The following NIPBL variants were observed in gnomAD, a reference collection of about 807,000 sequenced individuals.
The protein encoded by NIPBL is NIPBL cohesin loading factor.
In NIPBL, 19 loss-of-function variants were observed where a neutral mutation model predicts 321.8. That is an observed-to-expected ratio of 0.06 (90% CI 0.04 to 0.09). The LOEUF is 0.09. Ranked by LOEUF, NIPBL falls within the 10% of genes least tolerant of loss-of-function variation. The probability of loss-of-function intolerance (pLI) is 1.00; values close to 1 mark genes in which losing one functional copy is unlikely to be tolerated. For synonymous variants in NIPBL, 1,106 were observed against 1,114.1 expected (o/e 0.99, Z 0.14); for missense variants, 2,210 against 3,327.0 (o/e 0.66, Z 8.26).
intron 1 of NIPBL, among the ~76,000 whole-genome samples, chr5:36,905,944 C>T (rs564965752): frequency 2.6e-5 from 4 of 152,202 alleles, no homozygotes; most frequent in Non-Finnish European, 5.9e-5. Flanking sequence ...TGGGGTTTCA[C>T]CGTGTTAGCC....
chr5:37,023,434 A>G (rs567315388), intron 29 of NIPBL, among the ~76,000 whole-genome samples: 1 of 152,322 alleles, frequency 6.6e-6, no homozygotes, highest in East Asian at 1.9e-4. Context: ...AAAGAAAAAT[A>G]GTACAGTGAA....
intron 45 of NIPBL, 66 bp downstream of exon 45, chr5:37,061,084 C>G (rs1754615104): frequency 1.7e-6 from 2 of 1,184,000 alleles, no homozygotes; most frequent in South Asian, 1.2e-5. Context: ...ATGTGGGGGG[C>G]CGGTGGGGAG....
At chr5:36,889,757 T>C (rs1227838971) in intron 1 of NIPBL, among the ~76,000 whole-genome samples, 1 of 152,146 alleles carries the variant, frequency 6.6e-6, no homozygotes, top group Non-Finnish European at 1.5e-5. Flanking sequence ...AATTTTATAA[T>C]TCAGTAACAA....
At chr5:36,984,232 T>C (rs1744482160) in intron 9 of NIPBL, among the ~76,000 whole-genome samples, 1 of 152,088 alleles carries the variant, frequency 6.6e-6, no homozygotes, top group South Asian at 2.1e-4. Context: ...TTTGGTATAT[T>C]GGCAGATTTG....
chr5:36,890,532 T>C (rs989004694), intron 1 of NIPBL, among the ~76,000 whole-genome samples: 11 of 152,234 alleles, frequency 7.2e-5, no homozygotes, highest in Non-Finnish European at 1.5e-4. Flanking sequence ...CTTTTTACTA[T>C]ATATTTTTAA....
Position 36,981,170 on chromosome 5 carries a change from TTGTC to T in NIPBL, c.1496-3503_1496-3500del, listed in dbSNP as rs947842696. Among the ~76,000 whole-genome samples, 9 of 151,826 alleles carry T rather than the reference TTGTC, an allele frequency of 5.9e-5. No homozygotes were observed. In the East Asian group the frequency reaches 1.4e-3, roughly 23 times the overall value. The stretch of plus-strand genomic sequence containing the variant: ...GGTGATATGGAGCAGGCAGGACTAT[TTGTC>T]TGGCCTACTAGTTGCACTTTAGGAT... On this transcript the variant is annotated intron_variant, in intron 9 of 46. Transcript: ENST00000282516.
At chr5:37,045,141 C>T (rs930689273) in intron 36 of NIPBL, among the ~76,000 whole-genome samples, 2 of 151,998 alleles carry the variant, frequency 1.3e-5, no homozygotes, top group East Asian at 1.9e-4. Flanking sequence ...TACCTGAGGT[C>T]GGGAGTTCGA....
At chr5:36,938,682 A>T (rs293775) in intron 1 of NIPBL, among the ~76,000 whole-genome samples, 31,298 of 152,106 alleles carry the variant, frequency 0.21, 4,122 homozygotes, top group African/African-American at 0.36. Context: ...ACTGTTTTTT[A>T]AAATTTTTAA....
intron 8 of NIPBL, among the ~76,000 whole-genome samples, chr5:36,973,222 A>G (rs941685613): frequency 6.6e-6 from 1 of 152,146 alleles, no homozygotes; most frequent in African/African-American, 2.4e-5. Context: ...TTCTAATTAT[A>G]GCCATCTGAA....
Position 36,941,153 on chromosome 5 carries a change from A to G in NIPBL, c.-79-12465A>G, listed in dbSNP as rs74452725. ...ACTTAATAAGTTTCATCTCCCAGGG[A>G]TAAGAAAACATAGGTAAAGAGAGAT... is the stretch of plus-strand genomic sequence containing the variant. On this transcript the variant is annotated intron_variant, in intron 1 of 46. Coordinates refer to ENST00000282516, the MANE Select transcript of NIPBL (RefSeq NM_133433.4). Among the ~76,000 whole-genome samples, 1,236 of 152,226 alleles carry G rather than the reference A, an allele frequency of 8.1e-3. 23 individuals are homozygous for G. The highest frequency in any genetic ancestry group is 0.028 in the African/African-American group (1,173 of 41,500).
At chr5:36,914,147 A>G (rs1195134617) in intron 1 of NIPBL, among the ~76,000 whole-genome samples, 1 of 152,222 alleles carries the variant, frequency 6.6e-6, no homozygotes, top group African/African-American at 2.4e-5. Context: ...TTCAGCCATG[A>G]AATGACACCC....
In NIPBL at chr5:37,052,512, C is replaced by G. The variant is rs1341116003; in HGVS notation, c.7209C>G (p.Arg2403=). The part of the protein sequence containing the change: ...SHLYSMIRGN[R]QHRRAFLISL... ...TTTACTCCATGATCCGTGGAAACCG[C>G]CAACACAGACGAGCCTTTCTTATTT... The change falls in exon 42 of 47, where the codon CGC becomes CGG. Residue 2403 remains arginine (R), a synonymous_variant. Transcript: ENST00000282516. 6.2e-7 allele frequency: 1 copy of G among 1,614,150 alleles called. No individual in the cohort carries two copies. Among genetic ancestry groups the G allele is most frequent in the South Asian group, 1.1e-5 (1 of 91,084 alleles).
At chr5:36,904,761 A>G (rs1424185280) in intron 1 of NIPBL, among the ~76,000 whole-genome samples, 1 of 152,126 alleles carries the variant, frequency 6.6e-6, no homozygotes. Flanking sequence ...TGGATACCTC[A>G]GTTTCTTGCC....
chr5:36,937,178 T>C (rs1199617094), intron 1 of NIPBL, among the ~76,000 whole-genome samples: 1 of 152,168 alleles, frequency 6.6e-6, no homozygotes, highest in Non-Finnish European at 1.5e-5. Context: ...GTCAGACTTA[T>C]TTTAAAAACA....
intron 9 of NIPBL, 34 bp downstream of exon 9, chr5:36,976,436 TG>T: frequency 6.3e-7 from 1 of 1,597,090 alleles, no homozygotes; most frequent in Non-Finnish European, 8.5e-7. Flanking sequence ...CTTCATCATC[TG>T]GGCAAATATG....
intron 21 of NIPBL, among the ~76,000 whole-genome samples, chr5:37,012,891 C>T (rs1270699908): frequency 2.0e-5 from 3 of 152,214 alleles, no homozygotes; most frequent in Non-Finnish European, 2.9e-5. Flanking sequence ...GGCAACCATC[C>T]GATTTCTCAA....
chr5:37,027,330 C>G (rs770141535), intron 31 of NIPBL, 29 bp from the exon 32 acceptor site: 10 of 1,546,636 alleles, frequency 6.5e-6, no homozygotes, highest in Middle Eastern at 3.4e-4. Flanking sequence ...AAATATACTT[C>G]TAACTTTGAT....
At chr5:37,018,726 A>G (rs181223586) in intron 24 of NIPBL, among the ~76,000 whole-genome samples, 175 of 152,312 alleles carry the variant, frequency 1.1e-3, no homozygotes, top group African/African-American at 4.1e-3. Flanking sequence ...ACATATTTCC[A>G]AAAGGAAATT....
chr5:36,956,616 C>CTTTTTTT (rs34760816), intron 3 of NIPBL, among the ~76,000 whole-genome samples: 10 of 79,476 alleles, frequency 1.3e-4, no homozygotes, highest in African/African-American at 3.2e-4. Flanking sequence ...TAAATCACTT[C>CTTTTTTT]TTTTTTTTTT....
Sources: allele counts gnomAD v4.1 joint callset (sites outside exome capture counted in the v4.1 genomes callset), GRCh38; gene constraint gnomAD v4.1.1; transcripts MANE v1.5; gene names NCBI Gene and HGNC (gene_info 2026-07-23, HGNC 2026-07-21).